The following ZFAT variants were observed in gnomAD, a reference collection of about 807,000 sequenced individuals.
The protein encoded by ZFAT is zinc finger and AT-hook domain containing, also known as zinc finger protein ZFAT.
A neutral mutation model predicts 117.7 loss-of-function variants in ZFAT; 64 were observed. That is an observed-to-expected ratio of 0.54 (90% CI 0.44 to 0.67). The LOEUF (loss-of-function observed/expected upper bound fraction) is 0.67, where lower values mean the gene tolerates loss of function less well. ZFAT is among the 30% of genes least tolerant of loss of function. The pLI is 0.00. For synonymous variants in ZFAT, 679 were observed against 615.0 expected (o/e 1.10, Z -1.54); for missense variants, 1,433 against 1,584.5 (o/e 0.90, Z 1.62).
At chr8:134,663,347 G>A (rs1313333357) in intron 1 of ZFAT, among the ~76,000 whole-genome samples, 2 of 152,100 alleles carry the variant, frequency 1.3e-5, no homozygotes, top group Non-Finnish European at 2.9e-5. Flanking sequence ...TCAGCTATTT[G>A]GTATGAATAC....
the ZFAT span, among the ~76,000 whole-genome samples, chr8:134,761,484 G>T: frequency 6.6e-6 from 1 of 151,426 alleles, no homozygotes; most frequent in African/African-American, 2.4e-5. Flanking sequence ...GGCAAATCAC[G>T]AGATCAAGAG....
intron 11 of ZFAT, among the ~76,000 whole-genome samples, chr8:134,553,262 T>C (rs549313691): frequency 5.3e-5 from 8 of 152,144 alleles, no homozygotes; most frequent in African/African-American, 1.7e-4. Flanking sequence ...TCCCAACACT[T>C]TGGGAGGCCG....
the ZFAT span, chr8:134,724,093 T>C: frequency 6.6e-6 from 1 of 152,412 alleles, no homozygotes; most frequent in Admixed American, 6.5e-5. Flanking sequence ...TGGGCATCTC[T>C]TGATGCAGAA....
At chr8:134,630,423 T>C (rs541731592) in intron 3 of ZFAT, among the ~76,000 whole-genome samples, 2 of 152,336 alleles carry the variant, frequency 1.3e-5, no homozygotes, top group South Asian at 4.1e-4. Flanking sequence ...TATCAAGCCA[T>C]CTGTTTTGCT....
At chr8:134,672,621 G>GA (rs1563750763) in intron 1 of ZFAT, among the ~76,000 whole-genome samples, 1 of 151,930 alleles carries the variant, frequency 6.6e-6, no homozygotes, top group African/African-American at 2.4e-5. Context: ...TAAAGACAAA[G>GA]AAAAAATGTA....
intron 2 of ZFAT, among the ~76,000 whole-genome samples, chr8:134,653,217 G>A (rs1156795653): frequency 1.5e-5 from 2 of 137,304 alleles, no homozygotes; most frequent in African/African-American, 5.4e-5. Context: ...TGTGCACAAC[G>A]TGCAGGTTTG....
the ZFAT span, among the ~76,000 whole-genome samples, chr8:134,762,218 G>A: frequency 7.2e-5 from 11 of 152,106 alleles, no homozygotes; most frequent in African/African-American, 2.7e-4. Flanking sequence ...AAATAACTAG[G>A]AACAATATCC....
intron 7 of ZFAT, among the ~76,000 whole-genome samples, chr8:134,596,168 T>C (rs1826913829): frequency 6.6e-6 from 1 of 152,116 alleles, no homozygotes; most frequent in African/African-American, 2.4e-5. Context: ...AGTCCTAAGA[T>C]CAACCACATG....
At chr8:134,654,931 G>T (rs1831499381) in intron 2 of ZFAT, among the ~76,000 whole-genome samples, 1 of 152,182 alleles carries the variant, frequency 6.6e-6, no homozygotes. Context: ...CTAGTTGTGG[G>T]GTTCTGGGAG....
the ZFAT span, among the ~76,000 whole-genome samples, chr8:134,777,430 G>T: frequency 6.6e-6 from 1 of 152,222 alleles, no homozygotes; most frequent in East Asian, 1.9e-4. Flanking sequence ...GAAGGGGAAA[G>T]AATAGATAAC....
chr8:134,716,977 T>A (rs1186891051), upstream of ZFAT, among the ~76,000 whole-genome samples: 1 of 152,054 alleles, frequency 6.6e-6, no homozygotes, highest in Non-Finnish European at 1.5e-5. Context: ...TCCAGAAGAC[T>A]AGGAACCATG....
chr8:134,787,449 C>T, the ZFAT span, among the ~76,000 whole-genome samples: 6 of 152,150 alleles, frequency 3.9e-5, no homozygotes, highest in African/African-American at 1.4e-4. Context: ...TCACAGATGA[C>T]CTAAATGTGT....
intron 9 of ZFAT, among the ~76,000 whole-genome samples, chr8:134,584,717 G>T (rs1041878202): frequency 1.3e-5 from 2 of 152,060 alleles, no homozygotes; most frequent in South Asian, 4.2e-4. Flanking sequence ...TCACTGTCCG[G>T]TGGGAGATGC....
chr8:134,732,597 T>C, the ZFAT span, among the ~76,000 whole-genome samples: 1 of 152,016 alleles, frequency 6.6e-6, no homozygotes, highest in Admixed American at 6.6e-5. Context: ...GAAAATGGGG[T>C]AGGGTGAAGT....
At chr8:134,670,073 C>T (rs982661088) in intron 1 of ZFAT, among the ~76,000 whole-genome samples, 4 of 152,116 alleles carry the variant, frequency 2.6e-5, no homozygotes, top group Non-Finnish European at 5.9e-5. Context: ...ATATATGCAC[C>T]CAATACAGGA....
chr8:134,619,316 G>A (rs990919970), intron 3 of ZFAT, among the ~76,000 whole-genome samples: 4 of 151,950 alleles, frequency 2.6e-5, no homozygotes, highest in Non-Finnish European at 2.9e-5. Context: ...TTTCTAATTC[G>A]AAGTACAGTT....
At chr8:134,486,294 C>T (rs1328828771) in intron 15 of ZFAT, among the ~76,000 whole-genome samples, 1 of 152,144 alleles carries the variant, frequency 6.6e-6, no homozygotes, top group Non-Finnish European at 1.5e-5. Flanking sequence ...GATGAACTGC[C>T]TTCACTTCGG....
chr8:134,792,312 T>G, the ZFAT span: 1 of 152,226 alleles, frequency 6.6e-6, no homozygotes, highest in African/African-American at 2.4e-5. Context: ...GTTTTCACTG[T>G]ATGGCACAAA....
chr8:134,741,574 G>A, the ZFAT span, among the ~76,000 whole-genome samples: 1 of 152,060 alleles, frequency 6.6e-6, no homozygotes, highest in Non-Finnish European at 1.5e-5. Context: ...TGCTTCCCAG[G>A]ACTTTTTCCC....
Sources: allele counts gnomAD v4.1 joint callset (sites outside exome capture counted in the v4.1 genomes callset), GRCh38; gene constraint gnomAD v4.1.1; transcripts MANE v1.5; gene names NCBI Gene and HGNC (gene_info 2026-07-23, HGNC 2026-07-21).